KLHL29: variants seen among roughly 807,000 people sequenced by gnomAD.
KLHL29 encodes the protein kelch like family member 29, also known as kelch-like protein 29.
In KLHL29, 21 loss-of-function variants were observed where a neutral mutation model predicts 80.4. The ratio of observed to expected loss-of-function variants is 0.26; its 90% CI spans 0.19 to 0.38. The LOEUF (loss-of-function observed/expected upper bound fraction) is 0.38, where lower values mean the gene tolerates loss of function less well. Among genes scored for constraint, KLHL29 ranks in the 10% least tolerant of loss-of-function variants. The pLI is 1.00. For synonymous variants in KLHL29, 511 were observed against 526.8 expected, an observed-to-expected ratio of 0.97 and a Z score of 0.41; for missense variants, 867 against 1,223.9, an observed-to-expected ratio of 0.71 and a Z score of 4.35.
intron 1 of KLHL29, among the ~76,000 whole-genome samples, chr2:23,397,012 G>A (rs1000869510): frequency 2.6e-5 from 4 of 152,060 alleles, no homozygotes; most frequent in Admixed American, 2.0e-4. Context: ...CCTGGCCCCA[G>A]GTGTCTGACA....
At chr2:23,510,060 A>G (rs1665721991) in intron 2 of KLHL29, among the ~76,000 whole-genome samples, 1 of 151,978 alleles carries the variant, frequency 6.6e-6, no homozygotes, top group Non-Finnish European at 1.5e-5. Flanking sequence ...AGTCACCCAT[A>G]CCCCAGGGAG....
chr2:23,678,954 G>T (rs1670998846), intron 5 of KLHL29, among the ~76,000 whole-genome samples: 1 of 151,776 alleles, frequency 6.6e-6, no homozygotes, highest in African/African-American at 2.4e-5. Flanking sequence ...GTTTCCGTTT[G>T]TGAAGATGAA....
chr2:23,584,446 T>G lies in KLHL29; in HGVS notation c.285+21965T>G, dbSNP rs1043787322. On this transcript the variant is annotated intron_variant, in intron 3 of 13. Transcript: ENST00000486442. ...CTAGGGAGGATCCAAATTTGGAAAG[T>G]ATTGGCTCTGCCCAGCGGTGTTCAT... Among the ~76,000 whole-genome samples the G allele has an allele frequency of 3.9e-5, 6 of 152,364 alleles. No homozygotes were observed. In the East Asian group the frequency reaches 1.2e-3, roughly 29 times the overall value.
intron 1 of KLHL29, among the ~76,000 whole-genome samples, chr2:23,393,316 T>C (rs1666367973): frequency 6.6e-6 from 1 of 152,264 alleles, no homozygotes; most frequent in South Asian, 2.1e-4. Context: ...GGCATATATC[T>C]ATTAAATATG....
At chr2:23,410,095 A>C (rs898686182) in intron 1 of KLHL29, among the ~76,000 whole-genome samples, 1 of 152,210 alleles carries the variant, frequency 6.6e-6, no homozygotes, top group Admixed American at 6.5e-5. Context: ...GGGAGAGGCC[A>C]TGCAGGGTTT....
chr2:23,492,281 G>C (rs1456906923), intron 2 of KLHL29, among the ~76,000 whole-genome samples: 1 of 152,190 alleles, frequency 6.6e-6, no homozygotes, highest in East Asian at 1.9e-4. Context: ...TCCCAAGGCT[G>C]AATCAACCAT....
At chr2:23,567,980 C>G (rs112826364) in intron 3 of KLHL29, among the ~76,000 whole-genome samples, 1 of 152,156 alleles carries the variant, frequency 6.6e-6, no homozygotes, top group South Asian at 2.1e-4. Flanking sequence ...TACCTTAAGT[C>G]GCAATTACAG....
intron 6 of KLHL29, among the ~76,000 whole-genome samples, chr2:23,687,002 C>G (rs1572497481): frequency 6.6e-6 from 1 of 152,170 alleles, no homozygotes; most frequent in Non-Finnish European, 1.5e-5. Context: ...GAGAATTTCA[C>G]ATTCTTGGTG....
chr2:23,611,551 G>T (rs1402535809), intron 3 of KLHL29, among the ~76,000 whole-genome samples: 1 of 152,224 alleles, frequency 6.6e-6, no homozygotes, highest in Non-Finnish European at 1.5e-5. Flanking sequence ...TTAGGAGAAA[G>T]ATACCATCTT....
chr2:23,557,057 C>T (rs761454107), intron 2 of KLHL29, among the ~76,000 whole-genome samples: 3 of 152,316 alleles, frequency 2.0e-5, no homozygotes, highest in Admixed American at 2.0e-4. Context: ...TGGCAGTTCA[C>T]GGGCAGCCTG....
At chr2:23,643,044 A>G (rs1255202997) in intron 5 of KLHL29, 194 bp downstream of exon 5, 1 of 716,034 alleles carries the variant, frequency 1.4e-6, no homozygotes, top group East Asian at 2.8e-5. Flanking sequence ...GAAGGTGTGG[A>G]GGGCGGGACA....
chr2:23,407,675 C>T (rs903668809), intron 1 of KLHL29, among the ~76,000 whole-genome samples: 7 of 152,100 alleles, frequency 4.6e-5, no homozygotes, highest in African/African-American at 1.7e-4. Context: ...GAAAGCCCTT[C>T]CCCATCCTGG....
chr2:23,588,540 C>T (rs1668173854), intron 3 of KLHL29, among the ~76,000 whole-genome samples: 1 of 152,220 alleles, frequency 6.6e-6, no homozygotes, highest in South Asian at 2.1e-4. Context: ...GCCCCTGCCC[C>T]AAGGAGCCCA....
At chr2:23,524,227 C>T (rs1019931599) in intron 2 of KLHL29, 3 of 303,808 alleles carry the variant, frequency 9.9e-6, no homozygotes, top group African/African-American at 2.2e-5. Flanking sequence ...AAGTGCCCGG[C>T]TCCTCATCCA....
At chr2:23,449,149 G>C (rs2103420249) in intron 1 of KLHL29, among the ~76,000 whole-genome samples, 1 of 152,154 alleles carries the variant, frequency 6.6e-6, no homozygotes, top group Non-Finnish European at 1.5e-5. Flanking sequence ...CTCATGCTTG[G>C]GGCTGGCTGG....
rs563166485 is a variant in KLHL29 at position 23,423,337 on chromosome 2, C to T, written c.-154+37557C>T. On this transcript the variant is annotated intron_variant, in intron 1 of 13. Transcript: ENST00000486442. ...CCTCCCGGGCCTGACCTCCCCAGGCCGTGCCTCCCACCCCAGGGTCTTCTC... is the reference window on the plus strand; with the variant it reads ...CCTCCCGGGCCTGACCTCCCCAGGCTGTGCCTCCCACCCCAGGGTCTTCTC... Among the ~76,000 whole-genome samples, 13 of 152,360 alleles carry T rather than the reference C, an allele frequency of 8.5e-5. No homozygotes were observed. In the South Asian group the frequency reaches 2.5e-3, roughly 29 times the overall value.
At chr2:23,576,304 CAAAAAAAAA>C in intron 3 of KLHL29, among the ~76,000 whole-genome samples, 1 of 131,512 alleles carries the variant, frequency 7.6e-6, no homozygotes, top group African/African-American at 3.0e-5. Flanking sequence ...GACTCTATCT[CAAAAAAAAA>C]AAAAAAAAAA....
intron 5 of KLHL29, among the ~76,000 whole-genome samples, chr2:23,655,006 C>T (rs191501925): frequency 6.6e-6 from 1 of 152,350 alleles, no homozygotes; most frequent in African/African-American, 2.4e-5. Flanking sequence ...GTGTCTCCTG[C>T]AGTCTCCTGG....
chr2:23,508,667 G>A (rs1430365677), intron 2 of KLHL29, among the ~76,000 whole-genome samples: 2 of 152,240 alleles, frequency 1.3e-5, no homozygotes. Context: ...CCCGCATCTT[G>A]CAGACAAAAC....
Sources: allele counts gnomAD v4.1 joint callset (sites outside exome capture counted in the v4.1 genomes callset), GRCh38; gene constraint gnomAD v4.1.1; transcripts MANE v1.5; gene names NCBI Gene and HGNC (gene_info 2026-07-23, HGNC 2026-07-21).